FRS2: variants seen among roughly 807,000 people sequenced by gnomAD.
The protein encoded by FRS2 is FGFR signalling adaptor.
Under a neutral mutation model 43.9 loss-of-function variants are expected in FRS2, and 8 were observed. The ratio of observed to expected loss-of-function variants is 0.18; its 90% CI spans 0.11 to 0.33. The LOEUF is 0.33. FRS2 is among the 10% of genes least tolerant of loss of function. FRS2 has a pLI of 1.00. For synonymous variants in FRS2, 219 were observed against 220.3 expected, an observed-to-expected ratio of 0.99 and a Z score of 0.05; for missense variants, 534 against 627.6, an observed-to-expected ratio of 0.85 and a Z score of 1.59.
At chr12:69,524,866 G>A (rs1024746724) in intron 1 of FRS2, among the ~76,000 whole-genome samples, 1 of 152,156 alleles carries the variant, frequency 6.6e-6, no homozygotes, top group African/African-American at 2.4e-5. Flanking sequence ...GGCCCCTGGT[G>A]AGAGCAGGTT....
chr12:69,544,333 CAT>C (rs1357970640), intron 3 of FRS2, among the ~76,000 whole-genome samples: 3 of 152,156 alleles, frequency 2.0e-5, no homozygotes, highest in Admixed American at 6.5e-5. Flanking sequence ...GAGAAAACCA[CAT>C]GATTGTGTCA....
At chr12:69,475,936 T>C (rs1421475431) in intron 1 of FRS2, among the ~76,000 whole-genome samples, 1 of 152,234 alleles carries the variant, frequency 6.6e-6, no homozygotes, top group African/African-American at 2.4e-5. Context: ...CTTAGTTCTT[T>C]TATGAAATAG....
intron 1 of FRS2, among the ~76,000 whole-genome samples, chr12:69,473,513 G>A (rs538763974): frequency 6.6e-6 from 1 of 152,268 alleles, no homozygotes; most frequent in East Asian, 1.9e-4. Context: ...CAGATTACCT[G>A]GAATATACTG....
intron 1 of FRS2, among the ~76,000 whole-genome samples, chr12:69,503,798 C>T (rs899377375): frequency 6.6e-6 from 1 of 152,264 alleles, no homozygotes; most frequent in Non-Finnish European, 1.5e-5. Flanking sequence ...TTCTCATGCC[C>T]TACATCACCC....
intron 1 of FRS2, among the ~76,000 whole-genome samples, chr12:69,526,787 G>C (rs899455912): frequency 6.6e-6 from 1 of 151,580 alleles, no homozygotes; most frequent in African/African-American, 2.4e-5. Context: ...GCAGTGGCAC[G>C]ATCTCGGCTC....
Position 69,579,294 on chromosome 12 carries a change from TTC to T in FRS2, c.*4342_*4343del, listed in dbSNP as rs1047979633. 1.3e-5 allele frequency: 2 copies of T among 152,656 alleles called. No individual in the cohort carries two copies. Among genetic ancestry groups the T allele is most frequent in the African/African-American group, 4.8e-5 (2 of 41,460 alleles). The allele number at this position is 152,656 out of a possible 1,614,324, so 9.5% of individuals were successfully genotyped here. On this transcript the variant is annotated 3_prime_UTR_variant, in exon 9 of 9. Coordinates refer to ENST00000549921, the MANE Select transcript of FRS2 (RefSeq NM_001278356.2). ...GCCATGTCATCAGGCATGAAAAGTTTTCTCATATATGATGTAAACTTGCTTTT... is the reference window on the plus strand; with the variant it reads ...GCCATGTCATCAGGCATGAAAAGTTTTCATATATGATGTAAACTTGCTTTT...
At chr12:69,506,024 C>T (rs994740965) in intron 1 of FRS2, among the ~76,000 whole-genome samples, 1 of 152,034 alleles carries the variant, frequency 6.6e-6, no homozygotes, top group African/African-American at 2.4e-5. Context: ...TGTTTTTATA[C>T]TAACCTAAAA....
chr12:69,498,723 T>C (rs1401877863), intron 1 of FRS2, among the ~76,000 whole-genome samples: 1 of 152,094 alleles, frequency 6.6e-6, no homozygotes, highest in African/African-American at 2.4e-5. Context: ...TTCAGAGAGC[T>C]GGTGGAGCTT....
chr12:69,525,539 C>T (rs1483666629), intron 1 of FRS2, among the ~76,000 whole-genome samples: 4 of 152,138 alleles, frequency 2.6e-5, no homozygotes, highest in African/African-American at 9.7e-5. Flanking sequence ...TCTAGGTCTG[C>T]ACACGGAGTC....
intron 1 of FRS2, among the ~76,000 whole-genome samples, chr12:69,485,082 AACACAC>A (rs71094716): frequency 0.069 from 5,849 of 85,270 alleles, 175 homozygotes; most frequent in Middle Eastern, 0.11. Flanking sequence ...CTCATCTTAA[AACACAC>A]ACACACACAC....
At chr12:69,479,313 T>G (rs1871142563) in intron 1 of FRS2, among the ~76,000 whole-genome samples, 1 of 152,130 alleles carries the variant, frequency 6.6e-6, no homozygotes, top group Admixed American at 6.5e-5. Context: ...AGATTTTATT[T>G]CATTATCTTC....
intron 3 of FRS2, among the ~76,000 whole-genome samples, chr12:69,540,113 T>TCCAC (rs1323636868): frequency 6.7e-6 from 1 of 149,036 alleles, no homozygotes; most frequent in African/African-American, 2.5e-5. Flanking sequence ...ATTAGCTGGG[T>TCCAC]GTGGTGGTGC....
At chr12:69,562,050 T>A in intron 3 of FRS2, 130 bp from the exon 4 acceptor site, 1 of 389,282 alleles carries the variant, frequency 2.6e-6, no homozygotes, top group East Asian at 3.6e-5. Flanking sequence ...TTAAATACTT[T>A]TTATTCAATC....
rs780711383 is a variant in FRS2 at position 69,571,241 on chromosome 12, G to T, written c.254-35G>T. On this transcript the variant is annotated intron_variant, in intron 6 of 8. Coordinates refer to ENST00000549921, the MANE Select transcript of FRS2 (RefSeq NM_001278356.2). The stretch of plus-strand genomic sequence containing the variant: ...TTCCTATAGTTTTTTTTAAAGGTAT[G>T]TTAACTATTTTTCCCTTTTGGTTTA... The T allele has an allele frequency of 4.8e-6, 7 of 1,470,230 alleles. No individual in the cohort carries two copies. In the African/African-American group the frequency reaches 5.7e-5, roughly 12 times the overall value. 91.1% of individuals were successfully genotyped at this position (1,470,230 alleles called of 1,614,324 possible).
At chr12:69,547,988 A>G (rs1878564091) in intron 3 of FRS2, among the ~76,000 whole-genome samples, 2 of 151,940 alleles carry the variant, frequency 1.3e-5, no homozygotes. Flanking sequence ...CTAGGACTAC[A>G]GGTGCATACC....
intron 3 of FRS2, among the ~76,000 whole-genome samples, chr12:69,540,517 G>A (rs1433317261): frequency 1.3e-5 from 2 of 152,102 alleles, no homozygotes; most frequent in African/African-American, 4.8e-5. Context: ...AATATCCACG[G>A]GCTGATACTG....
chr12:69,536,101 C>CCTTTTTTTTTTTTT (rs1877251782), intron 3 of FRS2, among the ~76,000 whole-genome samples: 2 of 37,176 alleles, frequency 5.4e-5, no homozygotes, highest in African/African-American at 1.8e-4. Context: ...TATTTTCATT[C>CCTTTTTTTTTTTTT]TTTTTTTTTT....
At chr12:69,520,005 A>G (rs913488177) in intron 1 of FRS2, among the ~76,000 whole-genome samples, 3 of 152,178 alleles carry the variant, frequency 2.0e-5, no homozygotes, top group Admixed American at 6.5e-5. Flanking sequence ...ACAGTGGTTG[A>G]GCTAATTTAC....
intron 3 of FRS2, among the ~76,000 whole-genome samples, chr12:69,561,419 A>C (rs1467562271): frequency 6.6e-6 from 1 of 152,228 alleles, no homozygotes; most frequent in Non-Finnish European, 1.5e-5. Flanking sequence ...ATGTAGATTA[A>C]AATGAGACTA....
Sources: allele counts gnomAD v4.1 joint callset (sites outside exome capture counted in the v4.1 genomes callset), GRCh38; gene constraint gnomAD v4.1.1; transcripts MANE v1.5; gene names NCBI Gene and HGNC (gene_info 2026-07-23, HGNC 2026-07-21).